The following CNTRL variants were observed in gnomAD, a reference collection of about 807,000 sequenced individuals.
The protein encoded by CNTRL is 110 kDa centrosomal protein.
In CNTRL, 233 loss-of-function variants were observed where a neutral mutation model predicts 303.7. The ratio of observed to expected loss-of-function variants is 0.77; its 90% confidence interval spans 0.69 to 0.86. The LOEUF is 0.86. Ranked by LOEUF, CNTRL falls within the 40% of genes least tolerant of loss-of-function variation. The probability of loss-of-function intolerance (pLI) is 0.00; values close to 1 mark genes in which losing one functional copy is unlikely to be tolerated. For synonymous variants in CNTRL, 900 were observed against 922.2 expected (o/e 0.98, Z 0.44); for missense variants, 2,524 against 2,650.6 (o/e 0.95, Z 1.05).
intron 4 of CNTRL, among the ~76,000 whole-genome samples, chr9:121,092,018 T>C (rs1411121373): frequency 6.8e-6 from 1 of 147,914 alleles, no homozygotes; most frequent in Admixed American, 6.8e-5. Context: ...CAAGTATTTA[T>C]TTAGCACCAG....
At chr9:121,133,423 G>C (rs2050990174) in intron 14 of CNTRL, among the ~76,000 whole-genome samples, 1 of 152,246 alleles carries the variant, frequency 6.6e-6, no homozygotes. Context: ...AGTGAGCAAG[G>C]CTCTGTGAGC....
intron 40 of CNTRL, 75 bp downstream of exon 40, chr9:121,171,623 T>G (rs2131901181): frequency 6.8e-7 from 1 of 1,464,390 alleles, no homozygotes; most frequent in South Asian, 1.3e-5. Context: ...TGTATTGTTT[T>G]TAATATCCCT....
intron 13 of CNTRL, among the ~76,000 whole-genome samples, chr9:121,124,346 A>G (rs754231017): frequency 3.3e-5 from 5 of 152,206 alleles, no homozygotes; most frequent in African/African-American, 4.8e-5. Context: ...GATCATGATA[A>G]GCTCTGGCAT....
intron 43 of CNTRL, among the ~76,000 whole-genome samples, chr9:121,176,771 G>A (rs187640138): frequency 2.0e-5 from 3 of 152,174 alleles, no homozygotes; most frequent in Non-Finnish European, 4.4e-5. Flanking sequence ...GCTTCTGAGC[G>A]TAACATTTTA....
At chr9:121,114,377 T>A (rs2049886542) in intron 10 of CNTRL, among the ~76,000 whole-genome samples, 1 of 152,204 alleles carries the variant, frequency 6.6e-6, no homozygotes, top group African/African-American at 2.4e-5. Context: ...TGTGGTGCTC[T>A]CAGTCAGACC....
intron 6 of CNTRL, 48 bp downstream of exon 6, chr9:121,096,611 A>G (rs771045273): frequency 4.6e-5 from 61 of 1,327,758 alleles, no homozygotes; most frequent in Non-Finnish European, 5.7e-5. Flanking sequence ...TAAAAAATAA[A>G]AGATTAAAAA....
chr9:121,148,756 C>G lies in CNTRL; in HGVS notation c.3544C>G (p.Pro1182Ala), dbSNP rs141731450. ...SASTPVRKPR[P>A]GQQDGKEGSQ... ...CTCAACTCCTGTTAGAAAACCACGC[C>G]CTGGGCAGCAGGATGGGAAGGAAGG... The change falls in exon 24 of 44, where the codon CCT becomes GCT. Residue 1182 changes from proline to alanine, a missense_variant. Coordinates refer to ENST00000373855, the MANE Select transcript of CNTRL (RefSeq NM_007018.6). The G allele has an allele frequency of 6.2e-6, 10 of 1,613,986 alleles. No individual in the cohort carries two copies. The South Asian group carries it at 1.1e-4, about 18-fold the overall frequency.
chr9:121,094,965 G>T lies in CNTRL; in HGVS notation c.426G>T (p.Lys142Asn). 2 of 1,607,112 alleles carry T rather than the reference G, an allele frequency of 1.2e-6. No homozygotes were observed. The highest frequency in any genetic ancestry group is 1.7e-6 in the Non-Finnish European group (2 of 1,175,876). The change falls in exon 5 of 44, where the codon AAG (lysine) becomes AAT (asparagine). Residue 142 changes from lysine (K) to asparagine (N), a missense_variant. By Grantham distance (94) the Lys-to-Asn change is moderately conservative (BLOSUM62 0). Transcript: ENST00000373855. ...LSYNLIGKIE[K>N]LDKLLKLREL... is the part of the protein sequence containing the mutation. ...ATAATCTAATAGGGAAGATTGAAAAGTTGGACAAGCTGTTAAAATTACGTG... is the reference window on the plus strand; with the variant it reads ...ATAATCTAATAGGGAAGATTGAAAATTTGGACAAGCTGTTAAAATTACGTG...
rs192357689 is a variant in CNTRL at position 121,120,578 on chromosome 9, G to A, written c.1650+2038G>A. Among the ~76,000 whole-genome samples, 417 of 152,298 alleles carry A rather than the reference G, an allele frequency of 2.7e-3. 4 individuals are homozygous for A. Among genetic ancestry groups the A allele is most frequent in the Non-Finnish European group, 2.5e-3 (169 of 68,022 alleles). Reference sequence around the variant, plus strand: ...GTTTATGAATGCTTGCATTGTGGAAGGGAGGAAGGAAGCAGCTTATAGATC... The same window carrying A: ...GTTTATGAATGCTTGCATTGTGGAAAGGAGGAAGGAAGCAGCTTATAGATC... On this transcript the variant is annotated intron_variant, in intron 12 of 43. Coordinates refer to ENST00000373855, the MANE Select transcript of CNTRL (RefSeq NM_007018.6).
rs1042930267 is a variant in CNTRL at position 121,171,206 on chromosome 9, A to G, written c.6277-202A>G. On this transcript the variant is annotated intron_variant, in intron 39 of 43. Coordinates refer to ENST00000373855, the MANE Select transcript of CNTRL (RefSeq NM_007018.6). ...GGGATAGTAGCTTATTATCAAAGGT[A>G]ATGCTAACAGACTCTGACGTGTATA... 3 of 655,256 alleles carry G rather than the reference A, an allele frequency of 4.6e-6. No individual in the cohort carries two copies. In the African/African-American group the frequency reaches 5.3e-5, roughly 12 times the overall value. The allele number at this position is 655,256 out of a possible 1,614,324, so 40.6% of individuals were successfully genotyped here. A position where few individuals can be genotyped will look rare whatever the true frequency, so the allele number is the denominator to read the frequency against.
chr9:121,171,064 A>G (rs2053281655), intron 39 of CNTRL, among the ~76,000 whole-genome samples: 1 of 152,176 alleles, frequency 6.6e-6, no homozygotes, highest in African/African-American at 2.4e-5. Flanking sequence ...ATAACTAGTG[A>G]TAGGCAGATC....
chr9:121,118,430 G>T lies in CNTRL; in HGVS notation c.1540G>T (p.Asp514Tyr). The change falls in exon 12 of 44, where the codon GAT (aspartate) becomes TAT (tyrosine). Residue 514 changes from aspartate (D) to tyrosine (Y), a missense_variant. Asp to Tyr is a radical substitution (Grantham distance 160, BLOSUM62 -3). Transcript: ENST00000373855. The part of the protein sequence containing the change: ...LVNKLRQEAL[D>Y]LELQMEKQKQ... ...AAATAAATTACGCCAGGAAGCTCTG[G>T]ATCTAGAACTGCAGATGGAAAAGCA... 1 of 1,613,294 alleles carries T rather than the reference G, an allele frequency of 6.2e-7. No individual in the cohort carries two copies. Among genetic ancestry groups the T allele is most frequent in the Non-Finnish European group, 8.5e-7 (1 of 1,179,494 alleles).
chr9:121,118,615 G>C (rs962619072), intron 12 of CNTRL, 75 bp downstream of exon 12: 2 of 1,238,200 alleles, frequency 1.6e-6, no homozygotes, highest in South Asian at 2.0e-5. Flanking sequence ...TCAGAGTCCA[G>C]AGTCCTTTCT....
intron 7 of CNTRL, among the ~76,000 whole-genome samples, chr9:121,099,304 C>G (rs1011811127): frequency 6.6e-6 from 1 of 152,172 alleles, no homozygotes; most frequent in Non-Finnish European, 1.5e-5. Flanking sequence ...TGGAGTGGAC[C>G]TCCAGCGAAC....
Position 121,124,064 on chromosome 9 carries a change from T to C in CNTRL, c.1784T>C (p.Leu595Pro), listed in dbSNP as rs2050377550. ...IAKETEEIKD[L>P]EEQLTEGQIA... The stretch of plus-strand genomic sequence containing the variant: ...AAGGAAACGGAAGAGATTAAGGACC[T>C]TGAAGAACAGCTTACTGAAGGTAAG... The change falls in exon 13 of 44, where the codon CTT (leucine) becomes CCT (proline). Residue 595 changes from leucine (L) to proline (P), a missense_variant. By Grantham distance (98) the Leu-to-Pro change is moderately conservative. Transcript: ENST00000373855. 1 of 1,608,372 alleles carries C rather than the reference T, an allele frequency of 6.2e-7. No individual in the cohort carries two copies. The highest frequency in any genetic ancestry group is 8.5e-7 in the Non-Finnish European group (1 of 1,178,344).
rs866642971 is a variant in CNTRL, at chr9:121,144,048, G to A, written c.3017G>A (p.Gly1006Glu). ...AAAGACCAGCTGAAGTCCCTTCATGGAACTGTTATGAAAATTAACCAGGAG... is the reference window on the plus strand; with the variant it reads ...AAAGACCAGCTGAAGTCCCTTCATGAAACTGTTATGAAAATTAACCAGGAG... The part of the protein sequence containing the change: ...IAKDQLKSLH[G>E]TVMKINQERA... Residue 1006 changes from glycine to glutamate, a missense_variant, in exon 20 of 44, where the codon GGA becomes GAA. Coordinates refer to ENST00000373855, the MANE Select transcript of CNTRL (RefSeq NM_007018.6). The A allele has an allele frequency of 6.2e-7, 1 of 1,612,756 alleles. No individual in the cohort carries two copies.
Position 121,175,008 on chromosome 9 carries a change from C to A in CNTRL, c.6748-10C>A. 6.2e-7 allele frequency: 1 copy of A among 1,613,158 alleles called. No homozygotes were observed. Among genetic ancestry groups the A allele is most frequent in the South Asian group, 1.1e-5 (1 of 90,974 alleles). On this transcript the variant is annotated splice_polypyrimidine_tract_variant and intron_variant, in intron 42 of 43. Transcript: ENST00000373855. ...CTGTGTAAAACCCTAAGTCTTATCACACTTTTCAGGCCCAACTCCGACACT... is the reference window on the plus strand; with the variant it reads ...CTGTGTAAAACCCTAAGTCTTATCAAACTTTTCAGGCCCAACTCCGACACT...
chr9:121,102,497 A>G (rs2049229312), intron 7 of CNTRL, among the ~76,000 whole-genome samples: 2 of 152,212 alleles, frequency 1.3e-5, no homozygotes. Flanking sequence ...CAAGACAGGG[A>G]TGCCCTCTCT....
intron 34 of CNTRL, among the ~76,000 whole-genome samples, chr9:121,163,474 T>C (rs1244645830): frequency 1.3e-5 from 2 of 151,948 alleles, no homozygotes; most frequent in African/African-American, 2.4e-5. Context: ...ATTCTTGGTA[T>C]GACACCAAAA....
Sources: gnomAD v4.1 joint callset for allele counts (sites outside exome capture counted in the v4.1 genomes callset) on GRCh38, gnomAD v4.1.1 for gene constraint, MANE v1.5 for transcripts, NCBI Gene and HGNC (gene_info 2026-07-23, HGNC 2026-07-21) for gene names.